Variants in TLK1 observed in about 807,000 individuals in gnomAD.
TLK1 encodes the protein serine/threonine-protein kinase tousled-like 1.
Under a neutral mutation model 105.3 loss-of-function variants are expected in TLK1, and 24 were observed. The ratio of observed to expected loss-of-function variants is 0.23; its 90% CI spans 0.17 to 0.32. The LOEUF (loss-of-function observed/expected upper bound fraction) is 0.32. Ranked by LOEUF, TLK1 falls within the 10% of genes least tolerant of loss-of-function variation. TLK1 has a pLI of 1.00. For synonymous variants in TLK1, 321 were observed against 310.4 expected, an observed-to-expected ratio of 1.03 and a Z score of -0.36; for missense variants, 558 against 910.5, an observed-to-expected ratio of 0.61 and a Z score of 4.98.
At chr2:171,023,246 T>C (rs867788366) in intron 12 of TLK1, 51 of 463,602 alleles carry the variant, frequency 1.1e-4, no homozygotes, top group South Asian at 8.0e-4. Context: ...TAGTAGAGAT[T>C]GAGATGACTG....
At chr2:170,995,946 G>A (rs1277398994) in intron 20 of TLK1, among the ~76,000 whole-genome samples, 2 of 152,124 alleles carry the variant, frequency 1.3e-5, no homozygotes, top group East Asian at 3.9e-4. Flanking sequence ...CAGGCAATCT[G>A]CCTGCCTGGG....
intron 11 of TLK1, among the ~76,000 whole-genome samples, chr2:171,043,949 A>G (rs148087497): frequency 4.6e-5 from 7 of 152,318 alleles, no homozygotes; most frequent in Non-Finnish European, 7.4e-5. Context: ...TCTTAAACAA[A>G]TTTACTAACT....
At position 171,135,301 on chromosome 2, in the gene TLK1, GTT is replaced by G. The variant is rs1483263659; in HGVS notation, c.140-17446_140-17445del. Among the ~76,000 whole-genome samples, 763 of 106,726 alleles carry G rather than the reference GTT, an allele frequency of 7.1e-3. 7 individuals carry two copies. Among genetic ancestry groups the G allele is most frequent in the African/African-American group, 0.035 (706 of 20,070 alleles). The allele number at this position is 106,726 out of a possible 152,430, so 70.0% of individuals were successfully genotyped here. On this transcript the variant is annotated intron_variant, in intron 1 of 20. Transcript: ENST00000431350. Reference sequence around the variant, plus strand: ...TTTAATCATTCCACATTATGTGTGTGTTTGTGTGTGTGTGTGTGTATATATAT... The same window carrying G: ...TTTAATCATTCCACATTATGTGTGTGTGTGTGTGTGTGTGTGTATATATAT...
intron 1 of TLK1, among the ~76,000 whole-genome samples, chr2:171,119,034 T>C (rs1690547053): frequency 6.6e-6 from 1 of 152,172 alleles, no homozygotes; most frequent in Non-Finnish European, 1.5e-5. Flanking sequence ...AACACTTGCT[T>C]TTGACCTCAC....
At chr2:171,074,626 CAAA>C (rs372844435) in intron 3 of TLK1, among the ~76,000 whole-genome samples, 8 of 89,942 alleles carry the variant, frequency 8.9e-5, no homozygotes, top group African/African-American at 1.2e-4. Context: ...GACTCTGCCT[CAAA>C]AAAAAAAAAA....
chr2:171,081,259 G>A (rs1282216100), intron 3 of TLK1, among the ~76,000 whole-genome samples: 1 of 152,006 alleles, frequency 6.6e-6, no homozygotes, highest in Non-Finnish European at 1.5e-5. Flanking sequence ...ACTTATATTT[G>A]GAATATGGGT....
chr2:171,137,163 A>C lies in TLK1; in HGVS notation c.140-19306T>G, dbSNP rs1357440503. On this transcript the variant is annotated intron_variant, in intron 1 of 20. Coordinates refer to ENST00000431350, the MANE Select transcript of TLK1 (RefSeq NM_012290.5). The stretch of plus-strand genomic sequence containing the variant: ...CATGGTGAAACCCATCTCTACAAAA[A>C]ATATAAAAATTAGCCAGGCAAGGTG... 2.0e-5 allele frequency among the ~76,000 whole-genome samples: 3 copies of C among 152,064 alleles called. No homozygotes were observed. The East Asian group carries it at 5.8e-4, about 29-fold the overall frequency.
intron 2 of TLK1, among the ~76,000 whole-genome samples, chr2:171,084,027 C>T (rs1252965191): frequency 6.6e-6 from 1 of 151,972 alleles, no homozygotes; most frequent in South Asian, 2.1e-4. Flanking sequence ...AACCAAAAAC[C>T]CACAGACTGT....
At chr2:171,163,826 AG>A (rs1692558840), upstream of TLK1, among the ~76,000 whole-genome samples, 1 of 152,040 alleles carries the variant, frequency 6.6e-6, no homozygotes, top group East Asian at 1.9e-4. Context: ...CCCAGATTCA[AG>A]GAAGTCTCAT....
intron 11 of TLK1, among the ~76,000 whole-genome samples, chr2:171,036,042 T>C (rs1490588439): frequency 6.6e-6 from 1 of 152,210 alleles, no homozygotes; most frequent in Non-Finnish European, 1.5e-5. Context: ...CATAAGAAAT[T>C]ACTGCAGATC....
At chr2:171,042,360 T>C (rs1368031947) in intron 11 of TLK1, among the ~76,000 whole-genome samples, 2 of 152,106 alleles carry the variant, frequency 1.3e-5, no homozygotes, top group Non-Finnish European at 2.9e-5. Context: ...TCCTCCTGCC[T>C]CAGCCTCCTG....
At chr2:171,004,124 T>C (rs372162499) in intron 18 of TLK1, among the ~76,000 whole-genome samples, 3 of 152,154 alleles carry the variant, frequency 2.0e-5, no homozygotes, top group Middle Eastern at 3.4e-3. Context: ...CAGCTAACTT[T>C]TGTACTTTTA....
chr2:171,165,488 T>C (rs973553170), upstream of TLK1, among the ~76,000 whole-genome samples: 5 of 152,198 alleles, frequency 3.3e-5, no homozygotes, highest in African/African-American at 9.7e-5. Flanking sequence ...TTCTATACCA[T>C]AGTAAAAATA....
chr2:171,165,291 G>A (rs1240153876), upstream of TLK1, among the ~76,000 whole-genome samples: 1 of 152,108 alleles, frequency 6.6e-6, no homozygotes, highest in East Asian at 1.9e-4. Flanking sequence ...ACAGACCAAG[G>A]GCTCTGTCAA....
chr2:171,056,243 T>C (rs1687495905), intron 6 of TLK1, among the ~76,000 whole-genome samples: 1 of 152,062 alleles, frequency 6.6e-6, no homozygotes, highest in African/African-American at 2.4e-5. Context: ...GCTTCTTGGA[T>C]ATAATTAATT....
At chr2:171,177,872 C>T (rs1052381710) in intron 1 of TLK1, among the ~76,000 whole-genome samples, 1 of 152,176 alleles carries the variant, frequency 6.6e-6, no homozygotes, top group Non-Finnish European at 1.5e-5. Flanking sequence ...TGGCTCACCG[C>T]AACCTCTGCC....
chr2:171,012,053 G>C (rs76737697), intron 13 of TLK1, among the ~76,000 whole-genome samples: 1,944 of 151,864 alleles, frequency 0.013, 34 homozygotes, highest in African/African-American at 0.041. Flanking sequence ...GGAACCAGAA[G>C]TGTTTCCGAT....
At chr2:171,040,011 A>AT (rs1465402023) in intron 11 of TLK1, among the ~76,000 whole-genome samples, 1 of 152,206 alleles carries the variant, frequency 6.6e-6, no homozygotes, top group Non-Finnish European at 1.5e-5. Flanking sequence ...ATGCAAGACA[A>AT]TAATGATGTC....
intron 10 of TLK1, among the ~76,000 whole-genome samples, chr2:171,048,541 T>C (rs1687068374): frequency 6.6e-6 from 1 of 152,276 alleles, no homozygotes; most frequent in Non-Finnish European, 1.5e-5. Flanking sequence ...CCATCAGTTA[T>C]TATTCTACAA....
Sources: gnomAD v4.1 joint callset for allele counts (sites outside exome capture counted in the v4.1 genomes callset) on GRCh38, gnomAD v4.1.1 for gene constraint, MANE v1.5 for transcripts, NCBI Gene and HGNC (gene_info 2026-07-23, HGNC 2026-07-21) for gene names.